ADARB2: variants seen among roughly 807,000 people sequenced by gnomAD.
ADARB2 encodes inactive double-stranded RNA-specific editase B2.
A neutral mutation model predicts 62.2 loss-of-function variants in ADARB2; 25 were observed. The ratio of observed to expected loss-of-function variants is 0.40; its 90% CI spans 0.29 to 0.56. The LOEUF (loss-of-function observed/expected upper bound fraction) is 0.56. Among genes scored for constraint, ADARB2 ranks in the 20% least tolerant of loss-of-function variants. The pLI, the probability that ADARB2 is intolerant of heterozygous loss-of-function variation, is 0.43. For synonymous variants in ADARB2, 572 were observed against 500.8 expected (o/e 1.14, Z -1.90); for missense variants, 1,071 against 1,077.4 (o/e 0.99, Z 0.08).
intron 7 of ADARB2, among the ~76,000 whole-genome samples, chr10:1,214,095 CATCGTGTAGGTTTGCACCTGT>C (rs879457868): frequency 0.13 from 19,636 of 146,876 alleles, 1,525 homozygotes; most frequent in East Asian, 0.24. Context: ...CTGTGTCCAG[CATCGTGTAGGTTTGCACCTGT>C]GTCCAGCGTC....
intron 1 of ADARB2, among the ~76,000 whole-genome samples, chr10:1,433,873 T>C (rs957887266): frequency 2.0e-5 from 3 of 152,174 alleles, no homozygotes; most frequent in African/African-American, 4.8e-5. Flanking sequence ...CTAAAATGAA[T>C]CAAAGTTTCC....
At chr10:1,540,440 C>A (rs1216873039) in intron 1 of ADARB2, among the ~76,000 whole-genome samples, 1 of 151,698 alleles carries the variant, frequency 6.6e-6, no homozygotes, top group Non-Finnish European at 1.5e-5. Context: ...CACTCAGACG[C>A]AATTTGAACC....
intron 3 of ADARB2, among the ~76,000 whole-genome samples, chr10:1,280,766 C>T (rs189064596): frequency 4.0e-5 from 6 of 150,312 alleles, no homozygotes; most frequent in South Asian, 4.2e-4. Flanking sequence ...TCCTAAGTGA[C>T]GCTCCGTGAA....
At chr10:1,200,375 C>T in intron 7 of ADARB2, 1 of 575,984 alleles carries the variant, frequency 1.7e-6, no homozygotes. Flanking sequence ...ACAAATGCTG[C>T]TCTCTTTTCT....
chr10:1,184,599 C>G (rs1564213624), intron 9 of ADARB2, among the ~76,000 whole-genome samples: 1 of 152,232 alleles, frequency 6.6e-6, no homozygotes, highest in Non-Finnish European at 1.5e-5. Flanking sequence ...CGTGCCGGCT[C>G]CGTCAGGGGT....
chr10:1,396,291 C>T (rs2131868886), intron 1 of ADARB2, among the ~76,000 whole-genome samples: 1 of 152,250 alleles, frequency 6.6e-6, no homozygotes, highest in East Asian at 1.9e-4. Flanking sequence ...CTTCCCATCC[C>T]TGTCCCCACC....
At chr10:1,717,681 G>T (rs1421509808) in intron 1 of ADARB2, among the ~76,000 whole-genome samples, 3 of 151,876 alleles carry the variant, frequency 2.0e-5, no homozygotes, top group Non-Finnish European at 1.5e-5. Context: ...GGGTTCAGGA[G>T]ATTCTCCCGC....
At chr10:1,330,085 A>G (rs1452938326) in intron 3 of ADARB2, among the ~76,000 whole-genome samples, 2 of 152,112 alleles carry the variant, frequency 1.3e-5, no homozygotes, top group Non-Finnish European at 2.9e-5. Context: ...GAATACCTGG[A>G]TAATCAGTGA....
At chr10:1,539,989 G>A (rs970688609) in intron 1 of ADARB2, among the ~76,000 whole-genome samples, 2 of 152,062 alleles carry the variant, frequency 1.3e-5, no homozygotes, top group African/African-American at 4.8e-5. Context: ...TGGTTGACAA[G>A]TGAACAAAAA....
chr10:1,389,269 CA>C (rs1451393340), intron 1 of ADARB2, among the ~76,000 whole-genome samples: 2 of 151,828 alleles, frequency 1.3e-5, no homozygotes, highest in Non-Finnish European at 2.9e-5. Flanking sequence ...GCACTAACTA[CA>C]AAAGAAAAAA....
chr10:1,387,465 ATAATG>A, intron 1 of ADARB2, among the ~76,000 whole-genome samples: 1 of 152,150 alleles, frequency 6.6e-6, no homozygotes, highest in Non-Finnish European at 1.5e-5. Flanking sequence ...GAATATGGGA[ATAATG>A]TAAACTATTG....
intron 1 of ADARB2, among the ~76,000 whole-genome samples, chr10:1,460,021 GCCTGTGACCTGAGTTTACCTGTGTAGCA>G (rs2131907976): frequency 6.0e-5 from 5 of 83,364 alleles, no homozygotes; most frequent in African/African-American, 2.0e-4. Context: ...TAACAAACCT[GCCTGTGACCTGAGTTTACCTGTGTAGCA>G]AACCTGCCTG....
At chr10:1,612,524 T>C (rs1227926857) in intron 1 of ADARB2, among the ~76,000 whole-genome samples, 1 of 152,242 alleles carries the variant, frequency 6.6e-6, no homozygotes, top group Non-Finnish European at 1.5e-5. Flanking sequence ...TTACTCATCT[T>C]CCCAACTCTG....
At chr10:1,469,740 G>T (rs1390352641) in intron 1 of ADARB2, among the ~76,000 whole-genome samples, 2 of 152,196 alleles carry the variant, frequency 1.3e-5, no homozygotes, top group African/African-American at 4.8e-5. Context: ...ACTAGAAAAA[G>T]GTAACATGAG....
chr10:1,261,451 T>A (rs1439700245), intron 4 of ADARB2, among the ~76,000 whole-genome samples: 3 of 148,934 alleles, frequency 2.0e-5, no homozygotes, highest in Non-Finnish European at 4.4e-5. Context: ...TCAAACAAAT[T>A]TACAAGAAAA....
At chr10:1,343,993 C>G (rs1564263355) in intron 3 of ADARB2, among the ~76,000 whole-genome samples, 2 of 152,142 alleles carry the variant, frequency 1.3e-5, no homozygotes, top group Non-Finnish European at 2.9e-5. Flanking sequence ...ACCCATATAG[C>G]AAACCTGCAC....
At chr10:1,581,343 A>G (rs1041169342) in intron 1 of ADARB2, among the ~76,000 whole-genome samples, 1 of 152,246 alleles carries the variant, frequency 6.6e-6, no homozygotes, top group African/African-American at 2.4e-5. Context: ...CTGGGTTTCT[A>G]GGAAGGTGCT....
chr10:1,416,898 G>A lies in ADARB2; in HGVS notation c.101-37738C>T, dbSNP rs116310746. On this transcript the variant is annotated intron_variant, in intron 1 of 9. Coordinates refer to ENST00000381312, the MANE Select transcript of ADARB2 (RefSeq NM_018702.4). ...TCGGCCTGGGGCATGACCATCCACA[G>A]CTGAGAAGGGAGGTGGGTGCAGCAC... is the stretch of plus-strand genomic sequence containing the variant. Among the ~76,000 whole-genome samples the A allele has an allele frequency of 7.9e-3, 1,203 of 152,384 alleles. 7 individuals carry two copies. The highest frequency in any genetic ancestry group is 0.026 in the African/African-American group (1,099 of 41,590).
At chr10:1,400,779 C>T (rs188522039) in intron 1 of ADARB2, among the ~76,000 whole-genome samples, 4 of 152,100 alleles carry the variant, frequency 2.6e-5, no homozygotes, top group Non-Finnish European at 4.4e-5. Context: ...GCGTTCCACA[C>T]GGTTTGTAAA....
Sources: gnomAD v4.1 joint callset for allele counts (sites outside exome capture counted in the v4.1 genomes callset) on GRCh38, gnomAD v4.1.1 for gene constraint, MANE v1.5 for transcripts, NCBI Gene and HGNC (gene_info 2026-07-23, HGNC 2026-07-21) for gene names.